Variants in SPEG observed in about 807,000 individuals in gnomAD.
SPEG encodes the protein striated muscle preferentially expressed protein kinase.
A neutral mutation model predicts 300.4 loss-of-function variants in SPEG; 114 were observed. The ratio of observed to expected loss-of-function variants is 0.38; its 90% CI spans 0.33 to 0.44. The LOEUF (loss-of-function observed/expected upper bound fraction) is 0.44. Ranked by LOEUF, SPEG falls within the 20% of genes least tolerant of loss-of-function variation. The probability of loss-of-function intolerance (pLI) is 1.00; values close to 1 mark genes in which losing one functional copy is unlikely to be tolerated. For missense variants in SPEG, 4,201 were observed against 4,586.2 expected (o/e 0.92, Z 2.43); for synonymous variants, 1,964 against 2,018.9 (o/e 0.97, Z 0.73).
At chr2:219,485,267 C>A in intron 30 of SPEG, 79 bp from the exon 31 acceptor site, 1 of 1,542,470 alleles carries the variant, frequency 6.5e-7, no homozygotes, top group Non-Finnish European at 8.8e-7. Flanking sequence ...CCTTCTGGTT[C>A]TCTGGGCTGA....
chr2:219,450,218 T>C (rs749664963), intron 4 of SPEG, among the ~76,000 whole-genome samples: 43 of 152,342 alleles, frequency 2.8e-4, no homozygotes, highest in South Asian at 4.1e-4. Context: ...AACACACAAC[T>C]ATGTGCCAGC....
At chr2:219,476,138 A>T (rs1264293854) in intron 18 of SPEG, among the ~76,000 whole-genome samples, 1 of 136,880 alleles carries the variant, frequency 7.3e-6, no homozygotes, top group Non-Finnish European at 1.6e-5. Context: ...TTTACCAGGA[A>T]ATCATATGAC....
rs1443504579 is a variant in SPEG at position 219,469,254 on chromosome 2, T to A, written c.3590T>A (p.Leu1197Gln). ...GACTTCCTGCGGCCACTGCAGGACC[T>A]GGAGGTGGGACTGGCCAAGGAGGCC... is the stretch of plus-strand genomic sequence containing the variant. The part of the protein sequence containing the change: ...IPDFLRPLQD[L>Q]EVGLAKEAML... The change falls in exon 13 of 41, where the codon CTG (leucine) becomes CAG (glutamine). Residue 1197 changes from leucine to glutamine, a missense_variant. Transcript: ENST00000312358. 2 of 1,613,704 alleles carry A rather than the reference T, an allele frequency of 1.2e-6. No homozygotes were observed. The highest frequency in any genetic ancestry group is 1.7e-6 in the Non-Finnish European group (2 of 1,179,964).
chr2:219,456,442 C>T (rs1690188908), intron 6 of SPEG, among the ~76,000 whole-genome samples: 1 of 152,232 alleles, frequency 6.6e-6, no homozygotes, highest in Non-Finnish European at 1.5e-5. Flanking sequence ...AAACTCAGCC[C>T]TTCCTCTACC....
Position 219,479,774 on chromosome 2 carries a change from T to C in SPEG, c.5086-9T>C. 8 of 1,613,598 alleles carry C rather than the reference T, an allele frequency of 5.0e-6. No homozygotes were observed. Among genetic ancestry groups the C allele is most frequent in the Non-Finnish European group, 6.8e-6 (8 of 1,179,784 alleles). ...TCCCCCTCAGACTCTGGGCCCACTA[T>C]TTCCACAGATCCGGGCCTATATGCG... On this transcript the variant is annotated splice_polypyrimidine_tract_variant and intron_variant, in intron 23 of 40. Transcript: ENST00000312358. The surrounding 1 kb of genome is among the most constrained non-coding windows in gnomAD (Gnocchi z 5.5).
In SPEG at chr2:219,443,010, A is replaced by C; in HGVS notation, c.389-1643A>C. 6 of 955,400 alleles carry C rather than the reference A, an allele frequency of 6.3e-6. No homozygotes were observed. The highest frequency in any genetic ancestry group is 9.8e-6 in the Non-Finnish European group (6 of 614,954). The allele number at this position is 955,400 out of a possible 1,614,324, so 59.2% of individuals were successfully genotyped here. A position where few individuals can be genotyped will look rare whatever the true frequency, so the allele number is the denominator to read the frequency against. On this transcript the variant is annotated intron_variant, in intron 1 of 40. Coordinates refer to ENST00000312358, the MANE Select transcript of SPEG (RefSeq NM_005876.5). The surrounding 1 kb of genome is among the most constrained non-coding windows in gnomAD (Gnocchi z 4.6). ...CTCTCACACACACACTGGCCAGGGA[A>C]TGAGTTTCTGCTTGATGTTGCAGGT...
At position 219,458,369 on chromosome 2, in the gene SPEG, C is replaced by G. The variant is rs1235994454; in HGVS notation, c.2441-3513C>G. 6.6e-6 allele frequency among the ~76,000 whole-genome samples: 1 copy of G among 152,078 alleles called. No individual in the cohort carries two copies. The highest frequency in any genetic ancestry group is 2.4e-5 in the African/African-American group (1 of 41,384). ...CCCCAGACCAGCAGCATCAGCATCA[C>G]CTGAGTATGTGTTAGAAATGCAGTT... On this transcript the variant is annotated intron_variant, in intron 6 of 40. Coordinates refer to ENST00000312358, the MANE Select transcript of SPEG (RefSeq NM_005876.5). This position sits in a 1 kb window ranked among gnomAD's most constrained non-coding sequence, Gnocchi z 4.2.
rs1331059103 is a variant in SPEG at position 219,480,792 on chromosome 2, C to G, written c.5369+95C>G. The G allele has an allele frequency of 8.4e-7, 1 of 1,188,960 alleles. No individual in the cohort carries two copies. Among genetic ancestry groups the G allele is most frequent in the African/African-American group, 1.5e-5 (1 of 66,670 alleles). 73.7% of individuals were successfully genotyped at this position (1,188,960 alleles called of 1,614,324 possible). On this transcript the variant is annotated intron_variant, in intron 26 of 40. Coordinates refer to ENST00000312358, the MANE Select transcript of SPEG (RefSeq NM_005876.5). The surrounding 1 kb of genome is among the most constrained non-coding windows in gnomAD (Gnocchi z 5.3). ...CCCACCCCCTTCTCTTCCGCACCCC[C>G]CACTCCTTCTTGCACTGCAAGGAGC...
At position 219,477,652 on chromosome 2, in the gene SPEG, TC is replaced by T. The variant is rs1692472594; in HGVS notation, c.4730-33del. The T allele has an allele frequency of 6.6e-7, 1 of 1,514,296 alleles. No homozygotes were observed. Among genetic ancestry groups the T allele is most frequent in the Non-Finnish European group, 8.9e-7 (1 of 1,121,794 alleles). 93.8% of individuals were successfully genotyped at this position (1,514,296 alleles called of 1,614,324 possible). ...CCAGTCTCTGGCCTGCTTGCTTTCT[TC>T]CCCTCCCACCTAACACCATGACATC... is the stretch of plus-strand genomic sequence containing the variant. On this transcript the variant is annotated intron_variant, in intron 20 of 40. Transcript: ENST00000312358. The surrounding 1 kb of genome is among the most constrained non-coding windows in gnomAD (Gnocchi z 6.4).
At chr2:219,478,942 A>C (rs1437873544) in intron 22 of SPEG, among the ~76,000 whole-genome samples, 1 of 152,204 alleles carries the variant, frequency 6.6e-6, no homozygotes, top group Non-Finnish European at 1.5e-5. Flanking sequence ...TGGGAGTTCA[A>C]GCAGGGATGA....
At chr2:219,478,166 A>G (rs1287142974) in intron 22 of SPEG, 61 bp downstream of exon 22, 6 of 1,402,120 alleles carry the variant, frequency 4.3e-6, no homozygotes, top group Non-Finnish European at 6.0e-6. Context: ...TCCTTGTAAC[A>G]TCCAATAGGC....
rs756178650 is a variant in SPEG at position 219,478,017 on chromosome 2, C to G, written c.4939C>G (p.Arg1647Gly). The G allele has an allele frequency of 1.9e-6, 3 of 1,614,068 alleles. No homozygotes were observed. Among genetic ancestry groups the G allele is most frequent in the South Asian group, 1.1e-5 (1 of 91,092 alleles). The change falls in exon 22 of 41, where the codon CGG (arginine) becomes GGG (glycine). Residue 1647 changes from arginine (R) to glycine (G), a missense_variant. Arg to Gly is a moderately radical substitution (Grantham distance 125). Around this residue, in one of 4 missense-constraint regions of SPEG, gnomAD observed 1,047 missense variants for 1,356.8 expected, o/e 0.77. Transcript: ENST00000312358. ...AAAGGCATCAGCGCGTCGGGAGGCC[C>G]GGCTGCTGGCCAGGCTCCAGCACGA... is the stretch of plus-strand genomic sequence containing the variant. ...KPKASARREARLLARLQHDCV... is the reference protein window; with the variant it reads ...KPKASARREAGLLARLQHDCV...
intron 9 of SPEG, chr2:219,466,667 G>A: frequency 6.0e-6 from 6 of 1,001,018 alleles, no homozygotes; most frequent in Non-Finnish European, 7.1e-6. Context: ...GAACAGCCTG[G>A]CTGAGCCCTG....
chr2:219,482,114 A>C, intron 28 of SPEG: 1 of 221,074 alleles, frequency 4.5e-6, no homozygotes. Context: ...GTTCTCACTC[A>C]TTCATCTTCA....
Position 219,473,789 on chromosome 2 carries a change from G to T in SPEG, c.4333G>T (p.Asp1445Tyr). The change falls in exon 18 of 41, where the codon GAC becomes TAC. Residue 1445 changes from aspartate to tyrosine, a missense_variant. By Grantham distance (160) the Asp-to-Tyr change is radical (BLOSUM62 -3). Around this residue, in one of 4 missense-constraint regions of SPEG, gnomAD observed 1,047 missense variants for 1,356.8 expected, o/e 0.77. Coordinates refer to ENST00000312358, the MANE Select transcript of SPEG (RefSeq NM_005876.5). The surrounding 1 kb of genome is among the most constrained non-coding windows in gnomAD (Gnocchi z 4.6). ...GTACGAGCTGAGCCAGCCAGATGAT[G>T]ACCAGTACTGTCTTCGGATCTGCCG... ...GVYELSQPDDDQYCLRICRVS... is the reference protein window; with the variant it reads ...GVYELSQPDDYQYCLRICRVS... The T allele has an allele frequency of 6.2e-7, 1 of 1,614,042 alleles. No homozygotes were observed. Among genetic ancestry groups the T allele is most frequent in the South Asian group, 1.1e-5 (1 of 91,068 alleles).
intron 37 of SPEG, 30 bp downstream of exon 37, chr2:219,490,678 G>A (rs766047397): frequency 6.2e-7 from 1 of 1,609,812 alleles, no homozygotes; most frequent in South Asian, 1.1e-5. Flanking sequence ...GAGTAGGGAG[G>A]AAGAGGTAGG....
At position 219,468,536 on chromosome 2, in the gene SPEG, T is replaced by C. The variant is rs773165109; in HGVS notation, c.3143-42T>C. ...AGTGGTGGGTTGGGATGCCTGGGCC[T>C]CCTTAGCCTTCCCTATCTCTGAGCT... On this transcript the variant is annotated intron_variant, in intron 10 of 40. Coordinates refer to ENST00000312358, the MANE Select transcript of SPEG (RefSeq NM_005876.5). 2.5e-6 allele frequency: 4 copies of C among 1,595,570 alleles called. No homozygotes were observed. The Admixed American group carries it at 6.7e-5, about 27-fold the overall frequency.
At chr2:219,486,085 C>T (rs538007397) in intron 31 of SPEG, among the ~76,000 whole-genome samples, 8 of 152,236 alleles carry the variant, frequency 5.3e-5, no homozygotes, top group Non-Finnish European at 1.2e-4. Context: ...TCTGCAGCTC[C>T]GAACACCTGA....
intron 4 of SPEG, 178 bp from the exon 5 acceptor site, chr2:219,450,958 T>G (rs1368558281): frequency 3.1e-6 from 2 of 635,326 alleles, no homozygotes; most frequent in African/African-American, 1.8e-5. Flanking sequence ...TCCTTCTGAC[T>G]TCCTTTTTTC....
Sources: allele counts gnomAD v4.1 joint callset (sites outside exome capture counted in the v4.1 genomes callset), GRCh38; gene constraint gnomAD v4.1.1; regional missense constraint gnomAD v4.1.1; non-coding constraint Gnocchi (gnomAD v3.1); transcripts MANE v1.5; gene names NCBI Gene and HGNC (gene_info 2026-07-23, HGNC 2026-07-21).